Variants in COX4I1 observed in about 807,000 individuals in gnomAD.
COX4I1 encodes the protein cytochrome c oxidase subunit 4I1, also known as cytochrome c oxidase subunit 4 isoform 1, mitochondrial.
A neutral mutation model predicts 21.7 loss-of-function variants in COX4I1; 18 were observed. That is an observed-to-expected ratio of 0.83 (90% CI 0.57 to 1.23). COX4I1 has a LOEUF of 1.23. Ranked by LOEUF, COX4I1 falls within the 50% of genes most tolerant of loss-of-function variation. The probability of loss-of-function intolerance (pLI) is 0.00; values close to 1 mark genes in which losing one functional copy is unlikely to be tolerated. For missense variants in COX4I1, 238 were observed against 220.7 expected (o/e 1.08, Z -0.50); for synonymous variants, 100 against 81.5 (o/e 1.23, Z -1.23).
rs1443959974 is a variant in COX4I1 at position 85,805,011 on chromosome 16, GC to G, written c.151del (p.His51MetfsTer12). On this transcript the variant is annotated frameshift_variant, in exon 3 of 5. Coordinates refer to ENST00000253452, the MANE Select transcript of COX4I1 (RefSeq NM_001861.6). LOFTEE classifies it high-confidence loss of function. ...DRRDHPLPEV[A>X]HVKHLSASQK... is the part of the protein sequence containing the mutation. ...GCGTGACCACCCCTTGCCGGAGGTGGCCCATGTCAAGCACCTGTCTGCCAGC... is the reference window on the plus strand; with the variant it reads ...GCGTGACCACCCCTTGCCGGAGGTGGCCATGTCAAGCACCTGTCTGCCAGC... 6.2e-7 allele frequency: 1 copy of G among 1,614,058 alleles called. No individual in the cohort carries two copies. Among genetic ancestry groups the G allele is most frequent in the Non-Finnish European group, 8.5e-7 (1 of 1,180,030 alleles).
rs571087818 is a variant in COX4I1, at chr16:85,805,460, A to C, written c.242-273A>C. 130 of 574,016 alleles carry C rather than the reference A, an allele frequency of 2.3e-4. No individual in the cohort carries two copies. In the African/African-American group the frequency reaches 2.3e-3, roughly 10 times the overall value. The allele number at this position is 574,016 out of a possible 1,614,324, so 35.6% of individuals were successfully genotyped here. On this transcript the variant is annotated intron_variant, in intron 3 of 4. Transcript: ENST00000253452. Reference sequence around the variant, plus strand: ...AAAATAACAAGATTAAATAGACCCTAATACTGTAATTCAAGTAAGAAATAA... The same window carrying C: ...AAAATAACAAGATTAAATAGACCCTCATACTGTAATTCAAGTAAGAAATAA...
At chr16:85,803,906 G>C (rs2599086) in intron 2 of COX4I1, 148,557 of 152,406 alleles carry the variant, frequency 0.97, 72,508 homozygotes, top group Middle Eastern at 1. Context: ...CTGATGCCCC[G>C]CTGCTCTACT....
chr16:85,799,937 G>A lies in COX4I1; in HGVS notation c.-2+185G>A, dbSNP rs1256225182. On this transcript the variant is annotated intron_variant, in intron 1 of 4. Transcript: ENST00000253452. This position sits in a 1 kb window ranked among gnomAD's most constrained non-coding sequence, Gnocchi z 4.2. ...TCCGGGCTCGGTGGCTCCAGGCTCG[G>A]GGGGCCGCCCCGAAGTGCCCGGTCC... 1 of 152,240 alleles carries A rather than the reference G, an allele frequency of 6.6e-6. No individual in the cohort carries two copies. The highest frequency in any genetic ancestry group is 1.5e-5 in the Non-Finnish European group (1 of 68,062). The allele number at this position is 152,240 out of a possible 1,614,324, so 9.4% of individuals were successfully genotyped here.
intron 2 of COX4I1, chr16:85,804,678 G>A: frequency 2.8e-6 from 1 of 354,428 alleles, no homozygotes; most frequent in East Asian, 6.1e-5. Context: ...GTTAATGTAG[G>A]AAGTGCTGCC....
intron 3 of COX4I1, 39 bp from the exon 4 acceptor site, chr16:85,805,694 A>C: frequency 2.5e-6 from 4 of 1,608,390 alleles, no homozygotes; most frequent in Non-Finnish European, 3.4e-6. Context: ...GGAGCTGCTG[A>C]CCTTTGTGCC....
At chr16:85,802,484 G>C (rs571279401) in intron 2 of COX4I1, among the ~76,000 whole-genome samples, 2 of 152,328 alleles carry the variant, frequency 1.3e-5, no homozygotes, top group African/African-American at 4.8e-5. Flanking sequence ...CAGGCTCTTA[G>C]ACAAGTCTTC....
At chr16:85,803,981 C>T (rs1905969286) in intron 2 of COX4I1, 1 of 152,266 alleles carries the variant, frequency 6.6e-6, no homozygotes, top group Non-Finnish European at 1.5e-5. Context: ...TGTTTGTTTT[C>T]CACTTCTAGA....
intron 3 of COX4I1, 192 bp from the exon 4 acceptor site, chr16:85,805,541 G>T (rs984137068): frequency 2.6e-5 from 19 of 727,226 alleles, no homozygotes; most frequent in Non-Finnish European, 3.5e-5. Flanking sequence ...TTCTTTCCTT[G>T]CCCTGTCACA....
Position 85,806,751 on chromosome 16 carries a change from C to T in COX4I1, c.387C>T (p.Leu129=). Residue 129 remains leucine, a synonymous_variant, in exon 5 of 5, where the codon CTC becomes CTT. Transcript: ENST00000253452. ...MWQKHYVYGP[L]PQSFDKEWVA... ...CTCACACCGTAGTGTACGGCCCCCT[C>T]CCGCAAAGCTTTGACAAAGAGTGGG... 2 of 1,614,128 alleles carry T rather than the reference C, an allele frequency of 1.2e-6. No homozygotes were observed. Among genetic ancestry groups the T allele is most frequent in the East Asian group, 2.2e-5 (1 of 44,878 alleles).
chr16:85,805,125 C>T (rs747556114), intron 3 of COX4I1, 21 bp downstream of exon 3: 3 of 1,600,518 alleles, frequency 1.9e-6, no homozygotes, highest in Non-Finnish European at 1.7e-6. Flanking sequence ...AAGGGACCCA[C>T]AGGCGCGCCC....
In COX4I1 at chr16:85,806,948, A is replaced by G; in HGVS notation, c.*74A>G. ...GCAACTCCATGCCTATTTACTGGAA[A>G]CCTGTTATGCCAAACAGTTGTACCA... is the stretch of plus-strand genomic sequence containing the variant. On this transcript the variant is annotated 3_prime_UTR_variant, in exon 5 of 5. Transcript: ENST00000253452. 3.3e-6 allele frequency: 5 copies of G among 1,510,118 alleles called. No homozygotes were observed. The highest frequency in any genetic ancestry group is 4.5e-6 in the Non-Finnish European group (5 of 1,111,048). 93.5% of individuals were successfully genotyped at this position (1,510,118 alleles called of 1,614,324 possible).
At position 85,803,938 on chromosome 16, in the gene COX4I1, C is replaced by T. The variant is rs145532035; in HGVS notation, c.74-999C>T. The T allele has an allele frequency of 2.6e-5, 4 of 152,356 alleles. No homozygotes were observed. The East Asian group carries it at 5.8e-4, about 22-fold the overall frequency. 9.4% of individuals were successfully genotyped at this position (152,356 alleles called of 1,614,324 possible). A position where few individuals can be genotyped will look rare whatever the true frequency, so the allele number is the denominator to read the frequency against. On this transcript the variant is annotated intron_variant, in intron 2 of 4. Transcript: ENST00000253452. The stretch of plus-strand genomic sequence containing the variant: ...TACTCTTTCTCCAGAGTACTTTTTC[C>T]AAACATGTGATTTGCACATTTGTTA...
chr16:85,801,936 C>T (rs1281949267), intron 2 of COX4I1, among the ~76,000 whole-genome samples: 1 of 151,942 alleles, frequency 6.6e-6, no homozygotes, highest in Non-Finnish European at 1.5e-5. Flanking sequence ...TGGGTGAAGA[C>T]AGTGTTTTAT....
In COX4I1 at chr16:85,804,915, A is replaced by T. The variant is rs372971283; in HGVS notation, c.74-22A>T. The T allele has an allele frequency of 1.6e-5, 26 of 1,590,374 alleles. No individual in the cohort carries two copies. In the African/African-American group the frequency reaches 2.8e-4, roughly 17 times the overall value. ...TCTCAACTTACATGGATTTTCAAAG[A>T]TTTATTCAATATGTTTTTCAGAAAG... is the stretch of plus-strand genomic sequence containing the variant. On this transcript the variant is annotated intron_variant, in intron 2 of 4. Transcript: ENST00000253452.
At chr16:85,801,532 T>C (rs1299900036) in intron 2 of COX4I1, among the ~76,000 whole-genome samples, 1 of 143,036 alleles carries the variant, frequency 7.0e-6, no homozygotes, top group African/African-American at 2.6e-5. Flanking sequence ...TTTTTTAAGC[T>C]TCGAGATCTA....
chr16:85,804,272 T>TGCAGATAGGCTTTCATTTTGTCCAGTCA (rs1597217696), intron 2 of COX4I1: 2 of 152,430 alleles, frequency 1.3e-5, no homozygotes, highest in East Asian at 3.9e-4. Context: ...TTGAGTCCCT[T>TGCAGATAGGCTTTCATTTTGTCCAGTCA]GCAGATAGGC....
At chr16:85,802,436 G>A (rs549263294) in intron 2 of COX4I1, among the ~76,000 whole-genome samples, 10 of 152,326 alleles carry the variant, frequency 6.6e-5, no homozygotes, top group South Asian at 2.1e-4. Context: ...ACTCATTGCC[G>A]TATCTCCAGC....
Position 85,805,824 on chromosome 16 carries a change from C to T in COX4I1, c.333C>T (p.Ile111=), listed in dbSNP as rs756438050. 29 of 1,614,104 alleles carry T rather than the reference C, an allele frequency of 1.8e-5. No homozygotes were observed. Among genetic ancestry groups the T allele is most frequent in the South Asian group, 2.2e-5 (2 of 91,086 alleles). ...TTGTGGGCGGTGCCATGTTCTTCAT[C>T]GGTTTCACCGCGCTCGTTATCATGT... ...KTVVGGAMFF[I]GFTALVIMWQ... Residue 111 remains isoleucine (I), a synonymous_variant, in exon 4 of 5, where the codon ATC becomes ATT. Coordinates refer to ENST00000253452, the MANE Select transcript of COX4I1 (RefSeq NM_001861.6).
intron 2 of COX4I1, among the ~76,000 whole-genome samples, chr16:85,802,212 G>A (rs2599078): frequency 0.97 from 148,495 of 152,310 alleles, 72,492 homozygotes; most frequent in Middle Eastern, 1. Context: ...CGAGTTGTGG[G>A]TGGTCGCTCC....
Sources: allele counts gnomAD v4.1 joint callset (sites outside exome capture counted in the v4.1 genomes callset), GRCh38; gene constraint gnomAD v4.1.1; non-coding constraint Gnocchi (gnomAD v3.1); transcripts MANE v1.5; gene names NCBI Gene and HGNC (gene_info 2026-07-23, HGNC 2026-07-21).